Variants in KCTD3 observed in about 807,000 individuals in gnomAD.
KCTD3 encodes the protein BTB/POZ domain-containing protein KCTD3.
Under a neutral mutation model 85.8 loss-of-function variants are expected in KCTD3, and 41 were observed. The ratio of observed to expected loss-of-function variants is 0.48; its 90% CI spans 0.37 to 0.62. The LOEUF is 0.62. Ranked by LOEUF, KCTD3 falls within the 20% of genes least tolerant of loss-of-function variation. KCTD3 has a pLI of 0.00. For missense variants in KCTD3, 724 were observed against 989.9 expected, an observed-to-expected ratio of 0.73 and a Z score of 3.60; for synonymous variants, 338 against 345.4, an observed-to-expected ratio of 0.98 and a Z score of 0.24.
At chr1:215,609,542 T>C (rs1039021096) in intron 14 of KCTD3, among the ~76,000 whole-genome samples, 77 of 152,022 alleles carry the variant, frequency 5.1e-4, no homozygotes, top group Middle Eastern at 3.4e-3. Context: ...ATTTGTGATA[T>C]ATATAATTCA....
chr1:215,574,949 C>A (rs561798283), intron 3 of KCTD3, among the ~76,000 whole-genome samples: 1 of 152,066 alleles, frequency 6.6e-6, no homozygotes, highest in East Asian at 1.9e-4. Flanking sequence ...TATAAATTTC[C>A]ATAAAAAGTT....
At chr1:215,599,078 T>C (rs1038833939) in intron 10 of KCTD3, among the ~76,000 whole-genome samples, 2 of 152,198 alleles carry the variant, frequency 1.3e-5, no homozygotes. Flanking sequence ...TCACCAGTAG[T>C]AGACACCAGA....
chr1:215,603,429 G>A (rs1654906157), intron 12 of KCTD3, among the ~76,000 whole-genome samples: 1 of 151,876 alleles, frequency 6.6e-6, no homozygotes, highest in Non-Finnish European at 1.5e-5. Context: ...ATCTAAATTT[G>A]CAATGGGGTC....
chr1:215,612,033 G>C lies in KCTD3; in HGVS notation c.1562+112G>C, dbSNP rs530045192. 2.0e-4 allele frequency: 135 copies of C among 679,250 alleles called. No homozygotes were observed. The African/African-American group carries it at 2.2e-3, about 11-fold the overall frequency. 42.1% of individuals were successfully genotyped at this position (679,250 alleles called of 1,614,324 possible). A position where few individuals can be genotyped will look rare whatever the true frequency, so the allele number is the denominator to read the frequency against. Reference sequence around the variant, plus strand: ...GAGTGCTACTAGAAACAAATTGTTGGGACAGAAGTCTGTTATCTCATAATC... The same window carrying C: ...GAGTGCTACTAGAAACAAATTGTTGCGACAGAAGTCTGTTATCTCATAATC... On this transcript the variant is annotated intron_variant, in intron 15 of 17. Coordinates refer to ENST00000259154, the MANE Select transcript of KCTD3 (RefSeq NM_016121.5).
Position 215,620,267 on chromosome 1 carries a change from G to C in KCTD3, c.2097G>C (p.Gly699=). 6.2e-7 allele frequency: 1 copy of C among 1,613,898 alleles called. No individual in the cohort carries two copies. Among genetic ancestry groups the C allele is most frequent in the Non-Finnish European group, 8.5e-7 (1 of 1,179,842 alleles). The change falls in exon 18 of 18, where the codon GGG becomes GGC. Residue 699 remains glycine, a synonymous_variant. Transcript: ENST00000259154. ...GTCCAATACAAGCTGAAGTGAAAGGGGCAACAGGGGAATGTAATATATCTG... is the reference window on the plus strand; with the variant it reads ...GTCCAATACAAGCTGAAGTGAAAGGCGCAACAGGGGAATGTAATATATCTG... ...NLGPIQAEVK[G]ATGECNISER...
At chr1:215,609,847 G>T (rs1211986683) in intron 14 of KCTD3, among the ~76,000 whole-genome samples, 3 of 151,834 alleles carry the variant, frequency 2.0e-5, no homozygotes, top group Non-Finnish European at 4.4e-5. Flanking sequence ...GTGGTATGAA[G>T]ATATACCTGG....
chr1:215,620,018 G>C (rs372954077), intron 17 of KCTD3, 39 bp from the exon 18 acceptor site: 2 of 1,460,590 alleles, frequency 1.4e-6, no homozygotes, highest in African/African-American at 1.4e-5. Flanking sequence ...AAATCACAGA[G>C]TGAAATCTGA....
At chr1:215,580,994 G>T in intron 8 of KCTD3, 1 of 463,230 alleles carries the variant, frequency 2.2e-6, no homozygotes. Flanking sequence ...GGGCACGGTG[G>T]GTCACGCCTG....
Position 215,620,903 on chromosome 1 carries a change from G to A in KCTD3, c.*285G>A, listed in dbSNP as rs1655662938. ...TTTTGGTTTGGAAACATATTACCAC[G>A]TCTTAATAGGATGGTGCCCATATAG... On this transcript the variant is annotated 3_prime_UTR_variant, in exon 18 of 18. Coordinates refer to ENST00000259154, the MANE Select transcript of KCTD3 (RefSeq NM_016121.5). 2 of 389,550 alleles carry A rather than the reference G, an allele frequency of 5.1e-6. No individual in the cohort carries two copies. Among genetic ancestry groups the A allele is most frequent in the South Asian group, 7.5e-5 (1 of 13,332 alleles). The allele number at this position is 389,550 out of a possible 1,614,324, so 24.1% of individuals were successfully genotyped here.
rs1308036561 is a variant in KCTD3, at chr1:215,604,936, TA to T, written c.1309+636del. Among the ~76,000 whole-genome samples, 273 of 152,148 alleles carry T rather than the reference TA, an allele frequency of 1.8e-3. 3 individuals carry two copies. The highest frequency in any genetic ancestry group is 6.1e-3 in the African/African-American group (253 of 41,558). ...TAATATAAAATTTTTAATTAAATAT[TA>T]ATTGGATACATAAAAAATTAAATAC... On this transcript the variant is annotated intron_variant, in intron 13 of 17. Transcript: ENST00000259154.
At chr1:215,604,431 G>T (rs1654937776) in intron 13 of KCTD3, 129 bp downstream of exon 13, 1 of 696,178 alleles carries the variant, frequency 1.4e-6, no homozygotes, top group African/African-American at 1.8e-5. Flanking sequence ...AATGACTGAA[G>T]AAATTATGAT....
intron 12 of KCTD3, among the ~76,000 whole-genome samples, chr1:215,602,457 T>C (rs1333127635): frequency 6.6e-6 from 1 of 151,554 alleles, no homozygotes; most frequent in Non-Finnish European, 1.5e-5. Context: ...CATATTATTA[T>C]AATGTTAGCT....
At position 215,620,789 on chromosome 1, in the gene KCTD3, T is replaced by A; in HGVS notation, c.*171T>A. 1 of 522,816 alleles carries A rather than the reference T, an allele frequency of 1.9e-6. No homozygotes were observed. The highest frequency in any genetic ancestry group is 3.8e-5 in the Admixed American group (1 of 26,474). The allele number at this position is 522,816 out of a possible 1,614,324, so 32.4% of individuals were successfully genotyped here. The stretch of plus-strand genomic sequence containing the variant: ...AATGAGATACAATAATCATATCTCT[T>A]TTGACATTTTGGAAATTTTTTTAAT... On this transcript the variant is annotated 3_prime_UTR_variant, in exon 18 of 18. Transcript: ENST00000259154.
intron 9 of KCTD3, among the ~76,000 whole-genome samples, chr1:215,590,057 TGA>T (rs1267774530): frequency 6.6e-6 from 1 of 152,206 alleles, no homozygotes; most frequent in Non-Finnish European, 1.5e-5. Context: ...TTGCAGTGTG[TGA>T]GAGTCCCAGG....
chr1:215,606,300 A>G (rs1160787806), intron 13 of KCTD3, among the ~76,000 whole-genome samples: 3 of 152,094 alleles, frequency 2.0e-5, no homozygotes, highest in Non-Finnish European at 4.4e-5. Context: ...AAATTAGCCA[A>G]ACCTCTGTCC....
rs781296290 is a variant in KCTD3 at position 215,620,220 on chromosome 1, G to C, written c.2050G>C (p.Val684Leu). The C allele has an allele frequency of 6.2e-7, 1 of 1,613,752 alleles. No homozygotes were observed. Among genetic ancestry groups the C allele is most frequent in the Admixed American group, 1.7e-5 (1 of 59,974 alleles). The change falls in exon 18 of 18, where the codon GTC (valine) becomes CTC (leucine). Residue 684 changes from valine to leucine, a missense_variant. Physicochemically the swap from Val to Leu is conservative, Grantham distance 32. This residue lies in a region of KCTD3 where 222 missense variants were observed against 217.7 expected (regional missense o/e 1.02). Transcript: ENST00000259154. ...TTTGAACAGAAATGTAGAAAGAGCT[G>C]TCCCTGAAAATGGTAACTTGGGTCC... ...INLNRNVERAVPENGNLGPIQ... is the reference protein window; with the variant it reads ...INLNRNVERALPENGNLGPIQ...
chr1:215,584,870 A>G (rs1322361570), intron 8 of KCTD3, among the ~76,000 whole-genome samples: 1 of 152,242 alleles, frequency 6.6e-6, no homozygotes, highest in Non-Finnish European at 1.5e-5. Flanking sequence ...TTCTGGAGAA[A>G]TCAGATAGAG....
At chr1:215,592,766 A>G (rs1348470173) in intron 9 of KCTD3, among the ~76,000 whole-genome samples, 1 of 152,222 alleles carries the variant, frequency 6.6e-6, no homozygotes, top group African/African-American at 2.4e-5. Flanking sequence ...TATCCATGAT[A>G]AAGCTCTCCC....
At position 215,621,489 on chromosome 1, in the gene KCTD3, G is replaced by C. The variant is rs1211533882; in HGVS notation, c.*871G>C. On this transcript the variant is annotated 3_prime_UTR_variant, in exon 18 of 18. Transcript: ENST00000259154. ...TAGTTTGTTCACTTGTAGGACTGCA[G>C]TTCTGAATTTTGGGTTAAAGGTTTT... The C allele has an allele frequency of 6.6e-6, 1 of 152,084 alleles. No individual in the cohort carries two copies. The highest frequency in any genetic ancestry group is 1.5e-5 in the Non-Finnish European group (1 of 67,972). 9.4% of individuals were successfully genotyped at this position (152,084 alleles called of 1,614,324 possible). A position where few individuals can be genotyped will look rare whatever the true frequency, so the allele number is the denominator to read the frequency against.
Sources: allele counts gnomAD v4.1 joint callset (sites outside exome capture counted in the v4.1 genomes callset), GRCh38; gene constraint gnomAD v4.1.1; regional missense constraint gnomAD v4.1.1; transcripts MANE v1.5; gene names NCBI Gene and HGNC (gene_info 2026-07-23, HGNC 2026-07-21).